PRKG1: variants seen among roughly 807,000 people sequenced by gnomAD.
PRKG1 encodes cGMP-dependent protein kinase 1.
PRKG1 carries 35 observed loss-of-function variants against 88.1 expected under a neutral mutation model. The ratio of observed to expected loss-of-function variants is 0.40; its 90% CI spans 0.30 to 0.53. The LOEUF (loss-of-function observed/expected upper bound fraction) is 0.53. PRKG1 is among the 20% of genes least tolerant of loss of function. The pLI is 0.59. For synonymous variants in PRKG1, 303 were observed against 292.5 expected, an observed-to-expected ratio of 1.04 and a Z score of -0.37; for missense variants, 540 against 839.8, an observed-to-expected ratio of 0.64 and a Z score of 4.41.
intron 4 of PRKG1, among the ~76,000 whole-genome samples, chr10:51,874,147 G>A (rs561082226): frequency 3.9e-5 from 6 of 152,322 alleles, no homozygotes; most frequent in African/African-American, 1.2e-4. Flanking sequence ...GGCATAGAGT[G>A]TAGTTTAGTG....
rs149129964 is a variant in PRKG1, at chr10:51,545,779, C to T, written c.592+77943C>T. Among the ~76,000 whole-genome samples the T allele has an allele frequency of 4.5e-3, 680 of 152,122 alleles. 5 individuals carry two copies. The highest frequency in any genetic ancestry group is 0.015 in the African/African-American group (635 of 41,524). On this transcript the variant is annotated intron_variant, in intron 3 of 17. Transcript: ENST00000373980. ...AAATATTACAAACATATATAGTCCA[C>T]GCTAGCAATAGGAAATCAATGGATA...
intron 8 of PRKG1, among the ~76,000 whole-genome samples, chr10:52,150,735 A>G (rs1837889590): frequency 6.6e-6 from 1 of 152,194 alleles, no homozygotes; most frequent in South Asian, 2.1e-4. Context: ...AGTCTACTAA[A>G]ACAGATACCT....
intron 9 of PRKG1, among the ~76,000 whole-genome samples, chr10:52,241,702 G>A (rs528008328): frequency 1.3e-5 from 2 of 152,208 alleles, no homozygotes; most frequent in South Asian, 4.2e-4. Context: ...ATAAACATGA[G>A]AGAACACAGC....
chr10:51,129,213 T>C (rs185919517), intron 1 of PRKG1, among the ~76,000 whole-genome samples: 156 of 152,266 alleles, frequency 1.0e-3, no homozygotes, highest in African/African-American at 3.7e-3. Flanking sequence ...TGGTGGCTCA[T>C]GCCTATAAGC....
intron 9 of PRKG1, among the ~76,000 whole-genome samples, chr10:52,244,486 A>G (rs1206756314): frequency 3.3e-5 from 5 of 150,282 alleles, no homozygotes; most frequent in Non-Finnish European, 7.4e-5. Context: ...AAATCGAGGG[A>G]ATAAGGACAT....
intron 4 of PRKG1, among the ~76,000 whole-genome samples, chr10:51,906,344 G>A (rs1589409019): frequency 2.0e-5 from 3 of 152,144 alleles, no homozygotes; most frequent in Admixed American, 1.3e-4. Context: ...TGAGGACCAC[G>A]ATCCATGACA....
At chr10:52,177,600 G>A (rs1838899886) in intron 9 of PRKG1, among the ~76,000 whole-genome samples, 1 of 152,026 alleles carries the variant, frequency 6.6e-6, no homozygotes, top group Non-Finnish European at 1.5e-5. Flanking sequence ...AATGTTTGGT[G>A]GAATTCAGTG....
intron 2 of PRKG1, among the ~76,000 whole-genome samples, chr10:51,458,437 T>G (rs1839652504): frequency 6.6e-6 from 1 of 152,190 alleles, no homozygotes; most frequent in South Asian, 2.1e-4. Flanking sequence ...TAACCCTTTT[T>G]TTTTTTTACA....
At chr10:51,702,580 A>G (rs989818121) in intron 3 of PRKG1, among the ~76,000 whole-genome samples, 10 of 152,218 alleles carry the variant, frequency 6.6e-5, no homozygotes, top group South Asian at 4.1e-4. Context: ...GATTCTTTCA[A>G]CAGATTGATA....
chr10:51,870,760 GC>G (rs1475414583), intron 4 of PRKG1, among the ~76,000 whole-genome samples: 4 of 152,082 alleles, frequency 2.6e-5, no homozygotes, highest in African/African-American at 7.2e-5. Flanking sequence ...ATGCTCCCAT[GC>G]CATAAACTTT....
At chr10:51,504,147 A>C (rs1056197453) in intron 3 of PRKG1, among the ~76,000 whole-genome samples, 2 of 152,138 alleles carry the variant, frequency 1.3e-5, no homozygotes, top group African/African-American at 4.8e-5. Context: ...AAAGATGGAA[A>C]TTGCCTTAGC....
chr10:51,633,553 A>T (rs185513713), intron 3 of PRKG1, among the ~76,000 whole-genome samples: 1 of 152,174 alleles, frequency 6.6e-6, no homozygotes, highest in Non-Finnish European at 1.5e-5. Flanking sequence ...CTGAAGTATA[A>T]AAAAGTGAAG....
intron 7 of PRKG1, among the ~76,000 whole-genome samples, chr10:52,124,319 G>C (rs1440770676): frequency 1.3e-5 from 2 of 152,108 alleles, no homozygotes; most frequent in Admixed American, 1.3e-4. Context: ...ATAGCCTATT[G>C]CTCCTAGGCT....
At chr10:52,194,001 T>C (rs917111895) in intron 9 of PRKG1, among the ~76,000 whole-genome samples, 1 of 152,180 alleles carries the variant, frequency 6.6e-6, no homozygotes, top group African/African-American at 2.4e-5. Flanking sequence ...ATTTTGTCTC[T>C]TATATTTGGT....
At chr10:51,654,565 C>T (rs1840117435) in intron 3 of PRKG1, among the ~76,000 whole-genome samples, 1 of 152,082 alleles carries the variant, frequency 6.6e-6, no homozygotes. Context: ...AAAACACACA[C>T]ACACACACAA....
intron 1 of PRKG1, among the ~76,000 whole-genome samples, chr10:51,121,142 T>G (rs1589167685): frequency 6.6e-6 from 1 of 152,290 alleles, no homozygotes; most frequent in East Asian, 1.9e-4. Flanking sequence ...ACAAGTATCG[T>G]GGTGATTAAT....
intron 3 of PRKG1, chr10:51,696,059 T>C (rs1841283018): frequency 6.6e-6 from 1 of 152,190 alleles, no homozygotes; most frequent in Admixed American, 6.6e-5. Flanking sequence ...CCAACCAATT[T>C]TTAATTGTCT....
At chr10:51,630,019 G>A (rs913335182) in intron 3 of PRKG1, among the ~76,000 whole-genome samples, 2 of 152,152 alleles carry the variant, frequency 1.3e-5, no homozygotes, top group African/African-American at 4.8e-5. Flanking sequence ...ATTCTCCCCT[G>A]AAGTGACAGA....
intron 2 of PRKG1, among the ~76,000 whole-genome samples, chr10:51,428,643 T>C (rs1461459486): frequency 1.3e-5 from 2 of 152,212 alleles, no homozygotes; most frequent in African/African-American, 4.8e-5. Context: ...GGGCTTCTTT[T>C]ATTATTTCCA....
Sources: gnomAD v4.1 joint callset for allele counts (sites outside exome capture counted in the v4.1 genomes callset) on GRCh38, gnomAD v4.1.1 for gene constraint, MANE v1.5 for transcripts, NCBI Gene and HGNC (gene_info 2026-07-23, HGNC 2026-07-21) for gene names.